The following KLHDC10 variants were observed in gnomAD, a reference collection of about 807,000 sequenced individuals.
The protein encoded by KLHDC10 is kelch domain-containing protein 10.
Under a neutral mutation model 56.1 loss-of-function variants are expected in KLHDC10, and 24 were observed. The observed-to-expected ratio is 0.43, with a 90% confidence interval of 0.31 to 0.60. The LOEUF is 0.60. KLHDC10 is among the 20% of genes least tolerant of loss of function. The probability of loss-of-function intolerance (pLI) is 0.11; values close to 1 mark genes in which losing one functional copy is unlikely to be tolerated. For missense variants in KLHDC10, 349 were observed against 567.0 expected (o/e 0.62, Z 3.91); for synonymous variants, 188 against 207.1 (o/e 0.91, Z 0.79).
chr7:130,128,919 T>TATATATATATATATATGCAC (rs1292651924), intron 8 of KLHDC10, among the ~76,000 whole-genome samples: 1 of 115,716 alleles, frequency 8.6e-6, no homozygotes, highest in African/African-American at 3.5e-5. Flanking sequence ...TATATATATA[T>TATATATATATATATATGCAC]ACATACTAGC....
chr7:130,120,725 G>A lies in KLHDC10; in HGVS notation c.476-24G>A. ...AATTGCAGGTAGCCATTTGTGAACA[G>A]AACTTGTGCTTCTCCTTCCTCAGTT... On this transcript the variant is annotated intron_variant, in intron 3 of 9. Transcript: ENST00000335420. The surrounding 1 kb of genome is among the most constrained non-coding windows in gnomAD (Gnocchi z 5.1). The A allele has an allele frequency of 1.9e-6, 3 of 1,612,892 alleles. No homozygotes were observed. The highest frequency in any genetic ancestry group is 1.7e-6 in the Non-Finnish European group (2 of 1,179,378).
At chr7:130,115,484 G>A (rs2116900341) in intron 2 of KLHDC10, among the ~76,000 whole-genome samples, 1 of 152,052 alleles carries the variant, frequency 6.6e-6, no homozygotes. Context: ...GGGAGGCCAA[G>A]GCAGGCTGAT....
intron 1 of KLHDC10, among the ~76,000 whole-genome samples, chr7:130,076,937 C>T (rs1007661074): frequency 3.3e-5 from 5 of 152,090 alleles, no homozygotes; most frequent in African/African-American, 1.2e-4. Flanking sequence ...CTAACCAAGT[C>T]CTGCTCCTCT....
At position 130,098,809 on chromosome 7, in the gene KLHDC10, CTGT is replaced by C. The variant is rs1795889220; in HGVS notation, c.253+1803_253+1805del. On this transcript the variant is annotated intron_variant, in intron 2 of 9. Transcript: ENST00000335420. ...CAAATAGTGACATAACAGGTTGTAT[CTGT>C]ATGATGGGGATTTTATTTTCTTTTG... 4.6e-5 allele frequency among the ~76,000 whole-genome samples: 7 copies of C among 152,154 alleles called. No individual in the cohort carries two copies. The East Asian group carries it at 9.6e-4, about 21-fold the overall frequency.
rs1318105921 is a variant in KLHDC10 at position 130,074,061 on chromosome 7, C to T, written c.166+3252C>T. Among the ~76,000 whole-genome samples, 4 of 152,308 alleles carry T rather than the reference C, an allele frequency of 2.6e-5. No homozygotes were observed. The South Asian group carries it at 8.3e-4, about 32-fold the overall frequency. On this transcript the variant is annotated intron_variant, in intron 1 of 9. Transcript: ENST00000335420. ...CTTAGGATAAGGCAAAAATCTTTAA[C>T]ATGGCCTCAAAGGCACTGTGTCGTC...
rs975413911 is a variant in KLHDC10 at position 130,135,705 on chromosome 7, A to G, written c.*4959A>G. ...TGATCAATAAATCTTATCCAAATCA[A>G]TTTGGTTCAAGTTCACCTTGATTGT... is the stretch of plus-strand genomic sequence containing the variant. On this transcript the variant is annotated 3_prime_UTR_variant, in exon 10 of 10. Coordinates refer to ENST00000335420, the MANE Select transcript of KLHDC10 (RefSeq NM_014997.4). 1.3e-5 allele frequency: 2 copies of G among 153,916 alleles called. No homozygotes were observed. Among genetic ancestry groups the G allele is most frequent in the Admixed American group, 6.5e-5 (1 of 15,278 alleles). 9.5% of individuals were successfully genotyped at this position (153,916 alleles called of 1,614,324 possible).
At chr7:130,095,953 A>G (rs1386027562) in intron 1 of KLHDC10, among the ~76,000 whole-genome samples, 1 of 152,194 alleles carries the variant, frequency 6.6e-6, no homozygotes, top group Non-Finnish European at 1.5e-5. Context: ...CCTTCACAGT[A>G]ACGTAATTAT....
At chr7:130,112,099 T>A (rs992683446) in intron 2 of KLHDC10, among the ~76,000 whole-genome samples, 1 of 152,224 alleles carries the variant, frequency 6.6e-6, no homozygotes, top group African/African-American at 2.4e-5. Flanking sequence ...GACCTAGAAA[T>A]TCTACCTCCA....
intron 7 of KLHDC10, among the ~76,000 whole-genome samples, chr7:130,126,788 G>T (rs559835931): frequency 1.1e-4 from 17 of 152,154 alleles, no homozygotes; most frequent in Non-Finnish European, 1.9e-4. Flanking sequence ...TTTGGCAGAA[G>T]TTGGGAAATA....
chr7:130,093,968 G>C (rs915253764), intron 1 of KLHDC10, among the ~76,000 whole-genome samples: 1 of 152,174 alleles, frequency 6.6e-6, no homozygotes, highest in Admixed American at 6.5e-5. Flanking sequence ...CTGTCGCCCA[G>C]AGTGGAATTC....
Position 130,116,372 on chromosome 7 carries a change from G to C in KLHDC10, c.254-73G>C. ...CCTGGTCCCCTTTTATGGCTAAAAT[G>C]GTTGTTACCTAATTTTGTTTGTGCT... On this transcript the variant is annotated intron_variant, in intron 2 of 9. Coordinates refer to ENST00000335420, the MANE Select transcript of KLHDC10 (RefSeq NM_014997.4). This position sits in a 1 kb window ranked among gnomAD's most constrained non-coding sequence, Gnocchi z 4.8. 1 of 1,107,826 alleles carries C rather than the reference G, an allele frequency of 9.0e-7. No individual in the cohort carries two copies. Among genetic ancestry groups the C allele is most frequent in the Non-Finnish European group, 1.3e-6 (1 of 745,732 alleles). The allele number at this position is 1,107,826 out of a possible 1,614,324, so 68.6% of individuals were successfully genotyped here. A position where few individuals can be genotyped will look rare whatever the true frequency, so the allele number is the denominator to read the frequency against.
intron 2 of KLHDC10, among the ~76,000 whole-genome samples, chr7:130,115,382 G>GT (rs910415547): frequency 2.2e-4 from 33 of 150,616 alleles, no homozygotes; most frequent in Admixed American, 7.3e-4. Context: ...TTTGTTTTTT[G>GT]TTTTTTTTTA....
At chr7:130,102,435 G>A (rs1298309171) in intron 2 of KLHDC10, among the ~76,000 whole-genome samples, 2 of 152,178 alleles carry the variant, frequency 1.3e-5, no homozygotes, top group Non-Finnish European at 2.9e-5. Flanking sequence ...TAGAAACAGA[G>A]ATAATGAACA....
At chr7:130,087,442 G>C (rs926391631) in intron 1 of KLHDC10, among the ~76,000 whole-genome samples, 1 of 151,914 alleles carries the variant, frequency 6.6e-6, no homozygotes, top group Non-Finnish European at 1.5e-5. Flanking sequence ...TTTGTTCCAA[G>C]CTTTATCTAG....
intron 1 of KLHDC10, among the ~76,000 whole-genome samples, chr7:130,076,536 T>A (rs1795506438): frequency 1.3e-5 from 2 of 152,234 alleles, no homozygotes; most frequent in African/African-American, 4.8e-5. Flanking sequence ...TATTTTATTA[T>A]TATTTCTAAT....
rs1796391055 is a variant in KLHDC10 at position 130,130,815 on chromosome 7, T to A, written c.*69T>A. 2.1e-6 allele frequency: 3 copies of A among 1,424,510 alleles called. No individual in the cohort carries two copies. The Admixed American group carries it at 5.1e-5, about 24-fold the overall frequency. 88.2% of individuals were successfully genotyped at this position (1,424,510 alleles called of 1,614,324 possible). On this transcript the variant is annotated 3_prime_UTR_variant, in exon 10 of 10. Transcript: ENST00000335420. This position sits in a 1 kb window ranked among gnomAD's most constrained non-coding sequence, Gnocchi z 4.2. ...GAGACTCCTTTATTTATGGGCAGTG[T>A]AGAATGTGCTACAAAGAGGATTGGT...
At chr7:130,096,617 TG>T (rs1322669637) in intron 1 of KLHDC10, among the ~76,000 whole-genome samples, 2 of 152,204 alleles carry the variant, frequency 1.3e-5, no homozygotes, top group Non-Finnish European at 2.9e-5. Flanking sequence ...AAGCTCCTGG[TG>T]AATTTTTGCC....
intron 5 of KLHDC10, among the ~76,000 whole-genome samples, chr7:130,123,712 T>C (rs59618812): frequency 0.12 from 18,334 of 152,218 alleles, 1,302 homozygotes; most frequent in East Asian, 0.31. Context: ...GAAGTTGGCC[T>C]CTTACTGGAA....
At chr7:130,117,518 G>T in intron 3 of KLHDC10, 1 of 176,364 alleles carries the variant, frequency 5.7e-6, no homozygotes, top group Non-Finnish European at 1.2e-5. Flanking sequence ...CATTTCAACA[G>T]TGTTCACAGC....
Sources: gnomAD v4.1 joint callset for allele counts (sites outside exome capture counted in the v4.1 genomes callset) on GRCh38, gnomAD v4.1.1 for gene constraint, Gnocchi (gnomAD v3.1) non-coding constraint, MANE v1.5 for transcripts, NCBI Gene and HGNC (gene_info 2026-07-23, HGNC 2026-07-21) for gene names.